SGMS2: variants seen among roughly 807,000 people sequenced by gnomAD.
The protein encoded by SGMS2 is phosphatidylcholine:ceramide cholinephosphotransferase 2.
SGMS2 carries 21 observed loss-of-function variants against 43.8 expected under a neutral mutation model. That is an observed-to-expected ratio of 0.48 (90% CI 0.34 to 0.69). SGMS2 has a LOEUF of 0.69. Ranked by LOEUF, SGMS2 falls within the 30% of genes least tolerant of loss-of-function variation. The pLI, the probability that SGMS2 is intolerant of heterozygous loss-of-function variation, is 0.01. For synonymous variants in SGMS2, 167 were observed against 160.6 expected (o/e 1.04, Z -0.30); for missense variants, 384 against 443.2 (o/e 0.87, Z 1.20).
chr4:107,890,005 G>A (rs562293880), intron 2 of SGMS2, among the ~76,000 whole-genome samples: 1 of 152,156 alleles, frequency 6.6e-6, no homozygotes, highest in African/African-American at 2.4e-5. Context: ...GCTGGACCAT[G>A]TGATGTTTTT....
At chr4:107,884,500 A>AG (rs34411961) in intron 2 of SGMS2, among the ~76,000 whole-genome samples, 37 of 151,830 alleles carry the variant, frequency 2.4e-4, no homozygotes, top group African/African-American at 6.8e-4. Flanking sequence ...ATTTAAACAA[A>AG]GGGGGGGGAA....
intron 1 of SGMS2, among the ~76,000 whole-genome samples, chr4:107,850,245 CTA>C (rs1458052441): frequency 6.6e-6 from 1 of 152,168 alleles, no homozygotes; most frequent in African/African-American, 2.4e-5. Flanking sequence ...ATCATGCTTC[CTA>C]TAAAGCCTGC....
chr4:107,872,165 T>C (rs1484022499), intron 2 of SGMS2, among the ~76,000 whole-genome samples: 2 of 152,150 alleles, frequency 1.3e-5, no homozygotes, highest in African/African-American at 4.8e-5. Flanking sequence ...TGGATCTCAG[T>C]AGGTTGGAAC....
At position 107,859,382 on chromosome 4, in the gene SGMS2, A is replaced by G. The variant is rs957538845; in HGVS notation, c.-245+829A>G. Among the ~76,000 whole-genome samples the G allele has an allele frequency of 3.3e-5, 5 of 152,324 alleles. No individual in the cohort carries two copies. In the South Asian group the frequency reaches 6.2e-4, roughly 19 times the overall value. ...TCATTTAAAATAAATATTTGTAGGTAGTTAATATTATTCAGCACAGTATTC... is the reference window on the plus strand; with the variant it reads ...TCATTTAAAATAAATATTTGTAGGTGGTTAATATTATTCAGCACAGTATTC... On this transcript the variant is annotated intron_variant, in intron 2 of 6. Transcript: ENST00000690982.
chr4:107,876,908 C>T (rs1482976843), intron 2 of SGMS2, among the ~76,000 whole-genome samples: 1 of 152,126 alleles, frequency 6.6e-6, no homozygotes, highest in East Asian at 1.9e-4. Flanking sequence ...TGTTAAACTA[C>T]TAGACTCAGG....
At chr4:107,839,137 CTT>C (rs1726360432) in intron 1 of SGMS2, among the ~76,000 whole-genome samples, 1 of 152,142 alleles carries the variant, frequency 6.6e-6, no homozygotes, top group Non-Finnish European at 1.5e-5. Context: ...GAAACTCCAT[CTT>C]TCCCCCACCT....
At chr4:107,847,860 C>G (rs1040565709) in intron 1 of SGMS2, among the ~76,000 whole-genome samples, 2 of 152,046 alleles carry the variant, frequency 1.3e-5, no homozygotes, top group Non-Finnish European at 2.9e-5. Context: ...TAAGCTATAC[C>G]CCTACCCCTC....
chr4:107,836,870 G>A (rs74743189), intron 1 of SGMS2, among the ~76,000 whole-genome samples: 4,952 of 152,208 alleles, frequency 0.033, 270 homozygotes, highest in African/African-American at 0.11. Context: ...GGGCAGGGGA[G>A]GGAAGGGAGA....
intron 2 of SGMS2, 46 bp from the exon 3 acceptor site, chr4:107,895,263 CA>C: frequency 2.9e-6 from 1 of 339,314 alleles, no homozygotes; most frequent in East Asian, 5.0e-5. Context: ...GGATGGTTGA[CA>C]GTTGGACAAG....
chr4:107,835,669 T>C (rs1393656836), intron 1 of SGMS2, among the ~76,000 whole-genome samples: 1 of 152,234 alleles, frequency 6.6e-6, no homozygotes, highest in African/African-American at 2.4e-5. Flanking sequence ...AGTATCTCCA[T>C]AACAGAATGG....
intron 3 of SGMS2, among the ~76,000 whole-genome samples, chr4:107,896,759 G>A (rs1242773057): frequency 6.6e-6 from 1 of 152,154 alleles, no homozygotes; most frequent in Admixed American, 6.5e-5. Flanking sequence ...AGACACTTAA[G>A]AATTGGACAT....
At position 107,914,706 on chromosome 4, in the gene SGMS2, C is replaced by A. The variant is rs893716733; in HGVS notation, c.*4153C>A. 4 of 152,036 alleles carry A rather than the reference C, an allele frequency of 2.6e-5. No individual in the cohort carries two copies. The South Asian group carries it at 8.3e-4, about 32-fold the overall frequency. The allele number at this position is 152,036 out of a possible 1,614,324, so 9.4% of individuals were successfully genotyped here. A position where few individuals can be genotyped will look rare whatever the true frequency, so the allele number is the denominator to read the frequency against. ...ATGTAAATTTCAGAAGCTCTTTTTT[C>A]CTACCCACCAGTACCTTAATCATTG... On this transcript the variant is annotated 3_prime_UTR_variant, in exon 7 of 7. Transcript: ENST00000690982.
intron 1 of SGMS2, among the ~76,000 whole-genome samples, chr4:107,833,974 C>T (rs1377045047): frequency 1.3e-5 from 2 of 152,220 alleles, no homozygotes; most frequent in African/African-American, 2.4e-5. Flanking sequence ...AGGGAATGAG[C>T]TCTCCCGTGG....
chr4:107,909,785 G>C (rs148712227), intron 6 of SGMS2, among the ~76,000 whole-genome samples: 1 of 152,156 alleles, frequency 6.6e-6, no homozygotes, highest in Non-Finnish European at 1.5e-5. Flanking sequence ...TGGAGAATTT[G>C]TGAGCAATTG....
At chr4:107,893,810 A>T (rs1325644781) in intron 2 of SGMS2, among the ~76,000 whole-genome samples, 1 of 152,182 alleles carries the variant, frequency 6.6e-6, no homozygotes, top group African/African-American at 2.4e-5. Flanking sequence ...GCAGGGAAAC[A>T]GTACAGCTAA....
In SGMS2 at chr4:107,907,526, G is replaced by A. The variant is rs1436706488; in HGVS notation, c.728-1039G>A. ...CTCGGGAGGCTAAAGGAGGAGAATC[G>A]CTTGAACCCAGGGGACAGAGGTTGC... On this transcript the variant is annotated intron_variant, in intron 5 of 6. Coordinates refer to ENST00000690982, the MANE Select transcript of SGMS2 (RefSeq NM_001375905.1). Among the ~76,000 whole-genome samples the A allele has an allele frequency of 8.5e-5, 13 of 152,228 alleles. No homozygotes were observed. The South Asian group carries it at 2.1e-3, about 24-fold the overall frequency.
At chr4:107,846,650 A>G (rs1210695165) in intron 1 of SGMS2, among the ~76,000 whole-genome samples, 2 of 151,812 alleles carry the variant, frequency 1.3e-5, no homozygotes, top group East Asian at 1.9e-4. Context: ...GCTGGGTCCA[A>G]TGGTATTTCT....
At chr4:107,867,151 C>A (rs967158849) in intron 2 of SGMS2, 7 of 152,206 alleles carry the variant, frequency 4.6e-5, no homozygotes, top group African/African-American at 1.7e-4. Flanking sequence ...CCAAGACTCT[C>A]TGTACTGTAA....
intron 5 of SGMS2, among the ~76,000 whole-genome samples, chr4:107,903,672 T>C (rs1393775763): frequency 6.6e-6 from 1 of 152,170 alleles, no homozygotes; most frequent in African/African-American, 2.4e-5. Context: ...TCTCCCTTCT[T>C]GGTTAGTACT....
Sources: gnomAD v4.1 joint callset for allele counts (sites outside exome capture counted in the v4.1 genomes callset) on GRCh38, gnomAD v4.1.1 for gene constraint, MANE v1.5 for transcripts, NCBI Gene and HGNC (gene_info 2026-07-23, HGNC 2026-07-21) for gene names.